The following XKR4 variants were observed in gnomAD, a reference collection of about 807,000 sequenced individuals.
The protein encoded by XKR4 is XK-related protein 4.
In XKR4, 12 loss-of-function variants were observed where a neutral mutation model predicts 53.9. The ratio of observed to expected loss-of-function variants is 0.22; its 90% CI spans 0.14 to 0.36. XKR4 has a LOEUF of 0.36. Among genes scored for constraint, XKR4 ranks in the 10% least tolerant of loss-of-function variants. The pLI is 1.00. For synonymous variants in XKR4, 354 were observed against 362.4 expected (o/e 0.98, Z 0.26); for missense variants, 799 against 859.5 (o/e 0.93, Z 0.88).
intron 1 of XKR4, among the ~76,000 whole-genome samples, chr8:55,179,234 A>G (rs1817275902): frequency 6.6e-6 from 1 of 152,160 alleles, no homozygotes; most frequent in Non-Finnish European, 1.5e-5. Flanking sequence ...AAGCAGGCTA[A>G]TTTTTCTGAG....
In XKR4 at chr8:55,248,824, T is replaced by C. The variant is rs1818327701; in HGVS notation, c.807-108854T>C. 2.0e-5 allele frequency among the ~76,000 whole-genome samples: 3 copies of C among 152,250 alleles called. No homozygotes were observed. In the South Asian group the frequency reaches 6.2e-4, roughly 32 times the overall value. ...GCCTGCAGGCTGGAGTCTCAGAGTGTCCCAGGGCAATGTGACATCCCGTAG... is the reference window on the plus strand; with the variant it reads ...GCCTGCAGGCTGGAGTCTCAGAGTGCCCCAGGGCAATGTGACATCCCGTAG... On this transcript the variant is annotated intron_variant, in intron 1 of 2. Coordinates refer to ENST00000327381, the MANE Select transcript of XKR4 (RefSeq NM_052898.2).
chr8:55,452,783 G>A (rs897019084), intron 2 of XKR4: 2 of 789,448 alleles, frequency 2.5e-6, no homozygotes, highest in Non-Finnish European at 4.6e-6. Context: ...CAGCCACACT[G>A]CCAGCCATGC....
intron 1 of XKR4, among the ~76,000 whole-genome samples, chr8:55,230,483 C>T (rs1425324665): frequency 6.6e-6 from 1 of 151,800 alleles, no homozygotes; most frequent in Non-Finnish European, 1.5e-5. Context: ...CTGCCTCTGC[C>T]TCAGCCTCCC....
intron 1 of XKR4, among the ~76,000 whole-genome samples, chr8:55,302,554 G>T (rs1189287288): frequency 6.6e-6 from 1 of 152,092 alleles, no homozygotes; most frequent in Non-Finnish European, 1.5e-5. Context: ...TAGCTTGATG[G>T]GGATGGCATT....
intron 2 of XKR4, among the ~76,000 whole-genome samples, chr8:55,395,676 T>C (rs1198663938): frequency 6.6e-6 from 1 of 152,022 alleles, no homozygotes; most frequent in East Asian, 1.9e-4. Flanking sequence ...AAGCAAGTGA[T>C]GAGGACGGAG....
intron 1 of XKR4, among the ~76,000 whole-genome samples, chr8:55,257,300 A>G (rs1465063578): frequency 6.6e-6 from 1 of 152,224 alleles, no homozygotes; most frequent in Non-Finnish European, 1.5e-5. Flanking sequence ...AAGTGAGTTC[A>G]TATAATAAAT....
chr8:55,139,512 CAA>C (rs5891559), intron 1 of XKR4, among the ~76,000 whole-genome samples: 5 of 114,442 alleles, frequency 4.4e-5, no homozygotes, highest in Admixed American at 8.5e-5. Context: ...GACTCCGTCT[CAA>C]AAAAAAAAAA....
Position 55,440,674 on chromosome 8 carries a change from A to G in XKR4, c.1007-82607A>G, listed in dbSNP as rs144383046. Among the ~76,000 whole-genome samples, 1,458 of 152,302 alleles carry G rather than the reference A, an allele frequency of 9.6e-3. 22 individuals carry two copies. The highest frequency in any genetic ancestry group is 0.032 in the African/African-American group (1,342 of 41,564). On this transcript the variant is annotated intron_variant, in intron 2 of 2. Coordinates refer to ENST00000327381, the MANE Select transcript of XKR4 (RefSeq NM_052898.2). ...GAAGAGCAGAAAACAAGAGCCCAAA[A>G]GAGTGGGCAAATATAAAATGTAAAT...
In XKR4 at chr8:55,187,467, G is replaced by T. The variant is rs146075999; in HGVS notation, c.806+84173G>T. 2.9e-3 allele frequency among the ~76,000 whole-genome samples: 445 copies of T among 152,240 alleles called. 2 individuals are homozygous for T. The highest frequency in any genetic ancestry group is 9.9e-3 in the African/African-American group (412 of 41,544). ...CTTAAGATTCTGAGATCATGATGTC[G>T]TAATTAGGAAGGGGCTTTAATGAAC... is the stretch of plus-strand genomic sequence containing the variant. On this transcript the variant is annotated intron_variant, in intron 1 of 2. Coordinates refer to ENST00000327381, the MANE Select transcript of XKR4 (RefSeq NM_052898.2).
intron 1 of XKR4, among the ~76,000 whole-genome samples, chr8:55,232,827 C>T (rs1348896028): frequency 6.6e-6 from 1 of 152,182 alleles, no homozygotes; most frequent in Non-Finnish European, 1.5e-5. Flanking sequence ...TGTTTATGAG[C>T]TCTCTGCAGC....
intron 1 of XKR4, among the ~76,000 whole-genome samples, chr8:55,283,460 T>C (rs747826396): frequency 5.3e-5 from 8 of 152,206 alleles, no homozygotes; most frequent in Admixed American, 2.0e-4. Context: ...AAGACTGTGA[T>C]GTAGATGACA....
chr8:55,453,683 C>A, intron 2 of XKR4: 1 of 407,678 alleles, frequency 2.5e-6, no homozygotes. Flanking sequence ...CCGGGGCGCC[C>A]ATCTCAGGTG....
chr8:55,535,596 G>T lies in XKR4; in HGVS notation c.*11369G>T, dbSNP rs10101332. Reference sequence around the variant, plus strand: ...AATAGTCCTCTTAAGCAAGGTTCATGGGTAAGAGTTACTCTAGCAGGATTG... The same window carrying T: ...AATAGTCCTCTTAAGCAAGGTTCATTGGTAAGAGTTACTCTAGCAGGATTG... On this transcript the variant is annotated 3_prime_UTR_variant, in exon 3 of 3. Transcript: ENST00000327381. 2 of 151,972 alleles carry T rather than the reference G, an allele frequency of 1.3e-5. No individual in the cohort carries two copies. Among genetic ancestry groups the T allele is most frequent in the African/African-American group, 4.8e-5 (2 of 41,336 alleles). 9.4% of individuals were successfully genotyped at this position (151,972 alleles called of 1,614,324 possible). A position where few individuals can be genotyped will look rare whatever the true frequency, so the allele number is the denominator to read the frequency against.
intron 2 of XKR4, among the ~76,000 whole-genome samples, chr8:55,471,434 C>T (rs1003384853): frequency 6.6e-6 from 1 of 152,108 alleles, no homozygotes; most frequent in Non-Finnish European, 1.5e-5. Context: ...TAGAAGTGCG[C>T]ATCCATGCAG....
chr8:55,335,332 G>GA (rs1203214889), intron 1 of XKR4, among the ~76,000 whole-genome samples: 4 of 152,038 alleles, frequency 2.6e-5, no homozygotes, highest in African/African-American at 4.8e-5. Context: ...GAGCTTCTTT[G>GA]AAGTACTATG....
chr8:55,176,023 A>G (rs914896258), intron 1 of XKR4, among the ~76,000 whole-genome samples: 4 of 152,212 alleles, frequency 2.6e-5, no homozygotes, highest in Admixed American at 2.6e-4. Context: ...TCTATTTGGC[A>G]GATAGAGAGT....
At chr8:55,117,014 C>T (rs1040041789) in intron 1 of XKR4, among the ~76,000 whole-genome samples, 12 of 152,140 alleles carry the variant, frequency 7.9e-5, no homozygotes, top group South Asian at 2.1e-4. Flanking sequence ...TAATATCTAT[C>T]GTATTATTTT....
At chr8:55,124,504 C>T (rs1816435115) in intron 1 of XKR4, among the ~76,000 whole-genome samples, 1 of 152,180 alleles carries the variant, frequency 6.6e-6, no homozygotes, top group African/African-American at 2.4e-5. Flanking sequence ...TATGGTATCT[C>T]CTCGCATTCA....
chr8:55,139,222 T>C (rs1390802871), intron 1 of XKR4, among the ~76,000 whole-genome samples: 2 of 152,158 alleles, frequency 1.3e-5, no homozygotes, highest in Non-Finnish European at 2.9e-5. Context: ...AGAAGGGACT[T>C]GCAATAAGGA....
Sources: gnomAD v4.1 joint callset for allele counts (sites outside exome capture counted in the v4.1 genomes callset) on GRCh38, gnomAD v4.1.1 for gene constraint, MANE v1.5 for transcripts, NCBI Gene and HGNC (gene_info 2026-07-23, HGNC 2026-07-21) for gene names.